CMIP: variants seen among roughly 807,000 people sequenced by gnomAD.
CMIP encodes C-Maf-inducing protein.
CMIP carries 13 observed loss-of-function variants against 97.3 expected under a neutral mutation model. The ratio of observed to expected loss-of-function variants is 0.13; its 90% CI spans 0.09 to 0.21. CMIP has a LOEUF of 0.21. Ranked by LOEUF, CMIP falls within the 10% of genes least tolerant of loss-of-function variation. The pLI, the probability that CMIP is intolerant of heterozygous loss-of-function variation, is 1.00. For missense variants in CMIP, 847 were observed against 1,024.9 expected, an observed-to-expected ratio of 0.83 and a Z score of 2.37; for synonymous variants, 538 against 436.3, an observed-to-expected ratio of 1.23 and a Z score of -2.91.
intron 4 of CMIP, among the ~76,000 whole-genome samples, chr16:81,656,074 A>G (rs942923496): frequency 3.9e-5 from 6 of 152,358 alleles, no homozygotes; most frequent in Admixed American, 3.9e-4. Context: ...AAGCGTGTTC[A>G]GATCCAAAAA....
intron 4 of CMIP, among the ~76,000 whole-genome samples, chr16:81,656,327 G>T (rs1597205296): frequency 6.6e-6 from 1 of 152,236 alleles, no homozygotes; most frequent in African/African-American, 2.4e-5. Context: ...GCCTGTCCAG[G>T]TGGTGGGAGC....
At chr16:81,510,712 A>G (rs1288863928) in intron 1 of CMIP, among the ~76,000 whole-genome samples, 7 of 151,656 alleles carry the variant, frequency 4.6e-5, no homozygotes, top group Admixed American at 1.3e-4. Flanking sequence ...ACAAACCTTT[A>G]TTTTGTTTTG....
At chr16:81,593,048 G>T (rs2091490325) in intron 1 of CMIP, among the ~76,000 whole-genome samples, 1 of 152,192 alleles carries the variant, frequency 6.6e-6, no homozygotes. Flanking sequence ...GGGCTGGAGG[G>T]GTTTGAATGT....
intron 1 of CMIP, among the ~76,000 whole-genome samples, chr16:81,490,512 C>T (rs533612584): frequency 5.6e-4 from 85 of 152,202 alleles, no homozygotes; most frequent in African/African-American, 1.8e-3. Flanking sequence ...CCCAGCTACT[C>T]GGGCGGCTGA....
chr16:81,693,804 G>A (rs891708085), intron 13 of CMIP, among the ~76,000 whole-genome samples: 1 of 152,214 alleles, frequency 6.6e-6, no homozygotes, highest in Non-Finnish European at 1.5e-5. Context: ...GATCCTGTCT[G>A]GTTCTGCTAT....
At chr16:81,551,242 A>G (rs1021514640) in intron 1 of CMIP, among the ~76,000 whole-genome samples, 2 of 148,216 alleles carry the variant, frequency 1.3e-5, no homozygotes, top group Admixed American at 1.3e-4. Flanking sequence ...CCCCAGTTTC[A>G]TCACACACCC....
At chr16:81,649,240 C>T (rs2092399607) in intron 3 of CMIP, among the ~76,000 whole-genome samples, 2 of 152,274 alleles carry the variant, frequency 1.3e-5, no homozygotes, top group Admixed American at 1.3e-4. Context: ...ACAGCCTCTG[C>T]AGACTCTCCC....
chr16:81,567,568 G>C (rs910038394), intron 1 of CMIP, among the ~76,000 whole-genome samples: 17 of 152,280 alleles, frequency 1.1e-4, no homozygotes, highest in South Asian at 2.1e-4. Flanking sequence ...ACACCTTCAG[G>C]GATGGTGTGA....
At chr16:81,566,228 T>G (rs2150880565) in intron 1 of CMIP, among the ~76,000 whole-genome samples, 1 of 152,316 alleles carries the variant, frequency 6.6e-6, no homozygotes, top group South Asian at 2.1e-4. Context: ...GATAAAATTA[T>G]GTGCTTGGGG....
intron 1 of CMIP, among the ~76,000 whole-genome samples, chr16:81,457,165 A>T (rs991234757): frequency 1.4e-5 from 2 of 139,910 alleles, no homozygotes; most frequent in Non-Finnish European, 3.1e-5. Context: ...TCTGCTTGGA[A>T]CCCCTCCGAC....
chr16:81,564,934 A>G (rs2090952278), intron 1 of CMIP, among the ~76,000 whole-genome samples: 1 of 151,770 alleles, frequency 6.6e-6, no homozygotes, highest in South Asian at 2.1e-4. Context: ...GGGCGACTGT[A>G]TGCAGGTGGG....
intron 2 of CMIP, among the ~76,000 whole-genome samples, chr16:81,615,714 A>G (rs919869917): frequency 5.7e-5 from 8 of 140,530 alleles, no homozygotes; most frequent in Non-Finnish European, 1.1e-4. Flanking sequence ...GTGTGTGTGC[A>G]TGTGTAACTG....
chr16:81,596,342 C>T (rs2091555960), intron 1 of CMIP, among the ~76,000 whole-genome samples: 1 of 152,058 alleles, frequency 6.6e-6, no homozygotes, highest in South Asian at 2.1e-4. Context: ...CCCATCTCTA[C>T]TAAAAGTACA....
At chr16:81,641,419 T>C (rs1385706699) in intron 3 of CMIP, among the ~76,000 whole-genome samples, 1 of 149,774 alleles carries the variant, frequency 6.7e-6, no homozygotes, top group Admixed American at 6.6e-5. Flanking sequence ...CTACATACAA[T>C]TTTTTTTTTA....
At chr16:81,540,763 C>T (rs961132065) in intron 1 of CMIP, among the ~76,000 whole-genome samples, 1 of 151,452 alleles carries the variant, frequency 6.6e-6, no homozygotes, top group East Asian at 1.9e-4. Flanking sequence ...TTACTGCAGC[C>T]TCCGCCTCCC....
chr16:81,628,885 C>G (rs971597798), intron 3 of CMIP, among the ~76,000 whole-genome samples: 4 of 152,028 alleles, frequency 2.6e-5, no homozygotes, highest in Non-Finnish European at 5.9e-5. Context: ...CCTGTAATCC[C>G]AGCACTTTCG....
Position 81,516,860 on chromosome 16 carries a change from G to A in CMIP, c.300+71319G>A, listed in dbSNP as rs550448813. 1.1e-3 allele frequency among the ~76,000 whole-genome samples: 169 copies of A among 152,306 alleles called. 5 individuals carry two copies. In the South Asian group the frequency reaches 0.032, roughly 29 times the overall value. ...AGGTAGCATAGTGAAAAACCAGATG[G>A]CCTCCAAGGTCTTCAGTGAAAAACC... On this transcript the variant is annotated intron_variant, in intron 1 of 20. Transcript: ENST00000537098.
At chr16:81,690,649 G>A (rs1905955731) in intron 10 of CMIP, among the ~76,000 whole-genome samples, 1 of 152,024 alleles carries the variant, frequency 6.6e-6, no homozygotes, top group Non-Finnish European at 1.5e-5. Flanking sequence ...GATTACAGGC[G>A]TGAGCCACCA....
intron 1 of CMIP, among the ~76,000 whole-genome samples, chr16:81,472,328 C>G (rs1038352920): frequency 6.6e-6 from 1 of 152,206 alleles, no homozygotes; most frequent in Non-Finnish European, 1.5e-5. Context: ...AACTTGAGAG[C>G]AAGGCTCAGA....
Sources: gnomAD v4.1 joint callset for allele counts (sites outside exome capture counted in the v4.1 genomes callset) on GRCh38, gnomAD v4.1.1 for gene constraint, MANE v1.5 for transcripts, NCBI Gene and HGNC (gene_info 2026-07-23, HGNC 2026-07-21) for gene names.